Variants in TRIM3 observed in about 807,000 individuals in gnomAD.
TRIM3 encodes tripartite motif-containing protein 3.
Under a neutral mutation model 66.6 loss-of-function variants are expected in TRIM3, and 13 were observed. The observed-to-expected ratio is 0.20, with a 90% CI of 0.13 to 0.31. The LOEUF is 0.31. Ranked by LOEUF, TRIM3 falls within the 10% of genes least tolerant of loss-of-function variation. TRIM3 has a pLI of 1.00. For missense variants in TRIM3, 711 were observed against 1,020.4 expected (o/e 0.70, Z 4.13); for synonymous variants, 406 against 411.7 (o/e 0.99, Z 0.17).
At chr11:6,465,787 A>G (rs1850440016) in intron 1 of TRIM3, 55 bp from the exon 2 acceptor site, 18 of 1,476,050 alleles carry the variant, frequency 1.2e-5, no homozygotes, top group Non-Finnish European at 1.6e-5. Flanking sequence ...TCCCCACCCA[A>G]TCCCCGCCAC....
chr11:6,454,253 T>C (rs1849869428), intron 7 of TRIM3, among the ~76,000 whole-genome samples: 1 of 151,992 alleles, frequency 6.6e-6, no homozygotes, highest in South Asian at 2.1e-4. Flanking sequence ...TAGCCAGGTA[T>C]AGTGGCATGC....
At chr11:6,465,335 C>T (rs142644625) in intron 2 of TRIM3, among the ~76,000 whole-genome samples, 172 of 152,310 alleles carry the variant, frequency 1.1e-3, no homozygotes, top group South Asian at 3.1e-3. Context: ...AGGCCCTATT[C>T]TTGACAGGAA....
In TRIM3 at chr11:6,451,145, C is replaced by CT; in HGVS notation, c.1702-86dup. The CT allele has an allele frequency of 1.9e-6, 3 of 1,592,822 alleles. No homozygotes were observed. In the African/African-American group the frequency reaches 4.0e-5, roughly 21 times the overall value. On this transcript the variant is annotated intron_variant, in intron 8 of 11. Coordinates refer to ENST00000345851, the MANE Select transcript of TRIM3 (RefSeq NM_033278.4). The stretch of plus-strand genomic sequence containing the variant: ...CCCAGTACCAAAGCAGAATCTTGGG[C>CT]TGGGGAAAGAACAGGGAGTAGGAGG...
Position 6,449,584 on chromosome 11 carries a change from T to C in TRIM3, c.1942-138A>G. On this transcript the variant is annotated intron_variant, in intron 10 of 11. Coordinates refer to ENST00000345851, the MANE Select transcript of TRIM3 (RefSeq NM_033278.4). This position sits in a 1 kb window ranked among gnomAD's most constrained non-coding sequence, Gnocchi z 5.3. ...TACAGCCCAAATCTGCTTCATAGGC[T>C]TCACATCCATGTGCCCTACTGCCTA... 1 of 745,698 alleles carries C rather than the reference T, an allele frequency of 1.3e-6. No individual in the cohort carries two copies. The highest frequency in any genetic ancestry group is 2.1e-6 in the Non-Finnish European group (1 of 465,846). 46.2% of individuals were successfully genotyped at this position (745,698 alleles called of 1,614,324 possible).
chr11:6,451,799 G>C (rs568350753), intron 7 of TRIM3: 1 of 253,308 alleles, frequency 3.9e-6, no homozygotes, highest in East Asian at 1.1e-4. Context: ...GTCCAGTATG[G>C]GCACCACTTG....
In TRIM3 at chr11:6,457,507, C is replaced by T; in HGVS notation, c.516-31G>A. 1 of 1,603,330 alleles carries T rather than the reference C, an allele frequency of 6.2e-7. No individual in the cohort carries two copies. Among genetic ancestry groups the T allele is most frequent in the Non-Finnish European group, 8.5e-7 (1 of 1,173,830 alleles). ...GGGGGAATATCTCATTCCAGAGTTG[C>T]TGAGGGTGGCTTTGCCGAACTTTCC... On this transcript the variant is annotated intron_variant, in intron 4 of 11. Transcript: ENST00000345851. This position sits in a 1 kb window ranked among gnomAD's most constrained non-coding sequence, Gnocchi z 4.5.
chr11:6,465,870 T>C (rs1850443093), intron 1 of TRIM3, 138 bp from the exon 2 acceptor site: 1 of 711,840 alleles, frequency 1.4e-6, no homozygotes, highest in African/African-American at 1.8e-5. Context: ...ACTGGAAGGA[T>C]CAGGGTGATG....
intron 1 of TRIM3, chr11:6,472,982 G>C (rs943091879): frequency 6.5e-6 from 1 of 152,734 alleles, no homozygotes; most frequent in Non-Finnish European, 1.5e-5. Context: ...TGACCTCCCA[G>C]ATGTGATCTT....
chr11:6,456,868 G>C lies in TRIM3; in HGVS notation c.858C>G (p.Phe286Leu). The stretch of plus-strand genomic sequence containing the variant: ...GTGCATTCTCATGTGGCCGCTCCGG[G>C]AAGGCCTGTGCCGCCAATGCAGCCA... ...ERLAALAAQA[F>L]PERPHENAQL... Residue 286 changes from phenylalanine to leucine, a missense_variant, in exon 6 of 12, where the codon TTC (phenylalanine) becomes TTG (leucine). This residue lies in a region of TRIM3 where 399 missense variants were observed against 458.1 expected (regional missense o/e 0.87). Coordinates refer to ENST00000345851, the MANE Select transcript of TRIM3 (RefSeq NM_033278.4). The surrounding 1 kb of genome is among the most constrained non-coding windows in gnomAD (Gnocchi z 6.4). The C allele has an allele frequency of 6.2e-7, 1 of 1,612,616 alleles. No individual in the cohort carries two copies. The highest frequency in any genetic ancestry group is 1.3e-5 in the African/African-American group (1 of 75,070).
rs75363996 is a variant in TRIM3, at chr11:6,461,218, T to C, written c.132-2922A>G. 2.7e-3 allele frequency among the ~76,000 whole-genome samples: 405 copies of C among 152,260 alleles called. 2 individuals carry two copies. Among genetic ancestry groups the C allele is most frequent in the African/African-American group, 9.1e-3 (377 of 41,546 alleles). ...ACCATGCCCAGTGTAACTTATTTAATTGTGACTTACTTTTCCTTGCAGTCC... is the reference window on the plus strand; with the variant it reads ...ACCATGCCCAGTGTAACTTATTTAACTGTGACTTACTTTTCCTTGCAGTCC... On this transcript the variant is annotated intron_variant, in intron 2 of 11. Coordinates refer to ENST00000345851, the MANE Select transcript of TRIM3 (RefSeq NM_033278.4).
chr11:6,461,100 T>G (rs1850216484), intron 2 of TRIM3, among the ~76,000 whole-genome samples: 1 of 152,034 alleles, frequency 6.6e-6, no homozygotes, highest in Non-Finnish European at 1.5e-5. Context: ...GAGATGGGGT[T>G]TTGTCATGTT....
chr11:6,449,494 G>A lies in TRIM3; in HGVS notation c.1942-48C>T, dbSNP rs1039149194. 2.5e-6 allele frequency: 4 copies of A among 1,579,422 alleles called. No individual in the cohort carries two copies. In the South Asian group the frequency reaches 4.6e-5, roughly 18 times the overall value. ...ACTGGGGACCTGGCCTCAGGCAGAGGGTAGGGCTTTGGAGGAGGATAGGGT... is the reference window on the plus strand; with the variant it reads ...ACTGGGGACCTGGCCTCAGGCAGAGAGTAGGGCTTTGGAGGAGGATAGGGT... On this transcript the variant is annotated intron_variant, in intron 10 of 11. Transcript: ENST00000345851. This position sits in a 1 kb window ranked among gnomAD's most constrained non-coding sequence, Gnocchi z 5.3.
At position 6,460,223 on chromosome 11, in the gene TRIM3, T is replaced by C. The variant is rs376703451; in HGVS notation, c.132-1927A>G. Among the ~76,000 whole-genome samples, 4 of 152,152 alleles carry C rather than the reference T, an allele frequency of 2.6e-5. No individual in the cohort carries two copies. The South Asian group carries it at 8.3e-4, about 32-fold the overall frequency. On this transcript the variant is annotated intron_variant, in intron 2 of 11. Coordinates refer to ENST00000345851, the MANE Select transcript of TRIM3 (RefSeq NM_033278.4). ...AAGGTAAGGACAGGAAAATGTCCAC[T>C]GAATTTGGCAAATGTGAGGGTACTT... is the stretch of plus-strand genomic sequence containing the variant.
chr11:6,466,100 C>A (rs1026465159), intron 1 of TRIM3, among the ~76,000 whole-genome samples: 1 of 152,132 alleles, frequency 6.6e-6, no homozygotes, highest in Non-Finnish European at 1.5e-5. Context: ...CACTGACATA[C>A]CTACCCTTCA....
chr11:6,473,663 C>G (rs879584163), intron 1 of TRIM3, 128 bp downstream of exon 1: 1 of 152,558 alleles, frequency 6.6e-6, no homozygotes, highest in Non-Finnish European at 1.5e-5. Context: ...GACATGGACA[C>G]GCCTCACGTG....
chr11:6,460,274 G>A (rs1850168666), intron 2 of TRIM3, among the ~76,000 whole-genome samples: 1 of 152,188 alleles, frequency 6.6e-6, no homozygotes, highest in Non-Finnish European at 1.5e-5. Context: ...CAGGGAGGGA[G>A]TGGCAGGAGA....
chr11:6,462,955 C>G (rs1850308969), intron 2 of TRIM3, among the ~76,000 whole-genome samples: 1 of 152,028 alleles, frequency 6.6e-6, no homozygotes, highest in South Asian at 2.1e-4. Context: ...GCCTGGAATC[C>G]CAGAACTTTG....
rs758961744 is a variant in TRIM3, at chr11:6,458,337, G to A, written c.132-41C>T. On this transcript the variant is annotated intron_variant, in intron 2 of 11. Transcript: ENST00000345851. The surrounding 1 kb of genome is among the most constrained non-coding windows in gnomAD (Gnocchi z 6.2). Reference sequence around the variant, plus strand: ...AGTCAAAGAACAGAGTGGGTGGGGTGGCATAAGTGCACCCTTCCTTATACT... The same window carrying A: ...AGTCAAAGAACAGAGTGGGTGGGGTAGCATAAGTGCACCCTTCCTTATACT... The A allele has an allele frequency of 2.9e-5, 45 of 1,543,726 alleles. No individual in the cohort carries two copies. The Admixed American group carries it at 7.5e-4, about 26-fold the overall frequency.
intron 2 of TRIM3, among the ~76,000 whole-genome samples, chr11:6,461,872 A>C (rs1026402482): frequency 2.0e-5 from 3 of 152,146 alleles, no homozygotes; most frequent in African/African-American, 7.2e-5. Flanking sequence ...ATATTTTTAA[A>C]AACTCCAATG....
Sources: gnomAD v4.1 joint callset for allele counts (sites outside exome capture counted in the v4.1 genomes callset) on GRCh38, gnomAD v4.1.1 for gene constraint, gnomAD v4.1.1 regional missense constraint, Gnocchi (gnomAD v3.1) non-coding constraint, MANE v1.5 for transcripts, NCBI Gene and HGNC (gene_info 2026-07-23, HGNC 2026-07-21) for gene names.